Variants in MBD5 observed in about 807,000 individuals in gnomAD.
The protein encoded by MBD5 is methyl-CpG binding domain protein 5.
Under a neutral mutation model 117.3 loss-of-function variants are expected in MBD5, and 13 were observed. The ratio of observed to expected loss-of-function variants is 0.11; its 90% CI spans 0.07 to 0.18. The LOEUF (loss-of-function observed/expected upper bound fraction) is 0.18. MBD5 is among the 10% of genes least tolerant of loss of function. MBD5 has a pLI of 1.00. For missense variants in MBD5, 1,879 were observed against 2,093.8 expected, an observed-to-expected ratio of 0.90 and a Z score of 2.00; for synonymous variants, 727 against 766.4, an observed-to-expected ratio of 0.95 and a Z score of 0.85.
At chr2:148,177,979 G>C (rs1698429530) in intron 1 of MBD5, among the ~76,000 whole-genome samples, 1 of 152,328 alleles carries the variant, frequency 6.6e-6, no homozygotes, top group Non-Finnish European at 1.5e-5. Context: ...AACACAGGGA[G>C]ACCCTGTCTC....
chr2:148,067,959 C>A (rs1405882085), intron 1 of MBD5, among the ~76,000 whole-genome samples: 1 of 152,196 alleles, frequency 6.6e-6, no homozygotes, highest in East Asian at 1.9e-4. Context: ...GTAGAAATAA[C>A]CCCTAATTGG....
chr2:148,269,280 G>A (rs1700926502), intron 3 of MBD5, among the ~76,000 whole-genome samples: 1 of 151,218 alleles, frequency 6.6e-6, no homozygotes, highest in South Asian at 2.1e-4. Context: ...CAGTTTTCTT[G>A]AATTCAATGC....
chr2:148,431,427 G>A (rs899576242), intron 4 of MBD5, among the ~76,000 whole-genome samples: 3 of 152,024 alleles, frequency 2.0e-5, no homozygotes, highest in Non-Finnish European at 4.4e-5. Context: ...TACACGTGCA[G>A]GTTTGTTATA....
At chr2:148,097,433 G>A (rs1291785615) in intron 1 of MBD5, among the ~76,000 whole-genome samples, 2 of 152,232 alleles carry the variant, frequency 1.3e-5, no homozygotes, top group Admixed American at 6.5e-5. Flanking sequence ...TCCTGTGGGA[G>A]TGGAAAGCTG....
intron 3 of MBD5, among the ~76,000 whole-genome samples, chr2:148,249,518 A>T (rs963627963): frequency 2.6e-5 from 4 of 152,266 alleles, no homozygotes; most frequent in Middle Eastern, 6.8e-3. Flanking sequence ...ACACAATTTT[A>T]TTATTCCCTT....
At chr2:148,396,466 C>T (rs1394102704) in intron 4 of MBD5, among the ~76,000 whole-genome samples, 1 of 152,226 alleles carries the variant, frequency 6.6e-6, no homozygotes, top group Non-Finnish European at 1.5e-5. Context: ...TGCTCATAAC[C>T]TCTGGATATT....
chr2:148,309,483 A>T (rs1019586085), intron 3 of MBD5, among the ~76,000 whole-genome samples: 2 of 152,092 alleles, frequency 1.3e-5, no homozygotes, highest in Non-Finnish European at 2.9e-5. Flanking sequence ...TGATTTTTGC[A>T]TGTTGACTTT....
chr2:148,431,945 T>G (rs1013321481), intron 4 of MBD5, among the ~76,000 whole-genome samples: 2 of 152,162 alleles, frequency 1.3e-5, no homozygotes, highest in Non-Finnish European at 2.9e-5. Context: ...TTTAAGCTCT[T>G]TGAGAAATCA....
At chr2:148,512,327 T>TC (rs1682244586) in intron 13 of MBD5, 1 of 179,336 alleles carries the variant, frequency 5.6e-6, no homozygotes, top group African/African-American at 2.4e-5. Context: ...ATAGTGGTAT[T>TC]CTCTTTTCCA....
chr2:148,023,090 T>C (rs1228668420), intron 1 of MBD5, among the ~76,000 whole-genome samples: 1 of 150,956 alleles, frequency 6.6e-6, no homozygotes, highest in African/African-American at 2.4e-5. Flanking sequence ...TCACACCCTT[T>C]TTTTTTTTTT....
At chr2:148,383,826 A>G (rs1317746339) in intron 4 of MBD5, among the ~76,000 whole-genome samples, 1 of 152,174 alleles carries the variant, frequency 6.6e-6, no homozygotes, top group Non-Finnish European at 1.5e-5. Context: ...CAATAAACAT[A>G]ATCCAGCATA....
chr2:148,141,931 G>T (rs1260237001), intron 1 of MBD5, among the ~76,000 whole-genome samples: 1 of 152,054 alleles, frequency 6.6e-6, no homozygotes, highest in African/African-American at 2.4e-5. Flanking sequence ...ACCTATGATT[G>T]TGCCACTGTA....
chr2:148,222,740 C>A (rs1699721106), intron 2 of MBD5, among the ~76,000 whole-genome samples: 1 of 151,980 alleles, frequency 6.6e-6, no homozygotes, highest in Non-Finnish European at 1.5e-5. Flanking sequence ...TGACTTCTTT[C>A]CTTCCAATTT....
intron 3 of MBD5, among the ~76,000 whole-genome samples, chr2:148,324,252 A>T (rs1191738236): frequency 1.3e-5 from 2 of 152,058 alleles, no homozygotes; most frequent in Non-Finnish European, 2.9e-5. Flanking sequence ...GTAGCCTTGT[A>T]GTATAGTTTG....
At chr2:148,248,563 ATGAG>A (rs1700391454) in intron 3 of MBD5, among the ~76,000 whole-genome samples, 1 of 152,248 alleles carries the variant, frequency 6.6e-6, no homozygotes, top group African/African-American at 2.4e-5. Context: ...GGCATCATGA[ATGAG>A]TGTCAGAAAC....
At chr2:148,295,395 C>CT (rs779210433) in intron 3 of MBD5, among the ~76,000 whole-genome samples, 1 of 152,076 alleles carries the variant, frequency 6.6e-6, no homozygotes, top group Non-Finnish European at 1.5e-5. Flanking sequence ...CCACTTTTCT[C>CT]TTTTTTTAAA....
chr2:148,090,890 A>G (rs1695924586), intron 1 of MBD5, among the ~76,000 whole-genome samples: 2 of 152,252 alleles, frequency 1.3e-5, no homozygotes, highest in South Asian at 2.1e-4. Context: ...AAGTCAAACT[A>G]TCGCTGTTTG....
At chr2:148,257,660 G>A (rs1700621615) in intron 3 of MBD5, among the ~76,000 whole-genome samples, 1 of 152,154 alleles carries the variant, frequency 6.6e-6, no homozygotes, top group African/African-American at 2.4e-5. Context: ...TAATGGAATA[G>A]GTGGACCCAT....
chr2:148,036,483 C>G (rs1200825588), intron 1 of MBD5, among the ~76,000 whole-genome samples: 1 of 152,080 alleles, frequency 6.6e-6, no homozygotes, highest in Non-Finnish European at 1.5e-5. Context: ...TTGGTTCACT[C>G]AAAGATTACT....
Sources: gnomAD v4.1 joint callset for allele counts (sites outside exome capture counted in the v4.1 genomes callset) on GRCh38, gnomAD v4.1.1 for gene constraint, MANE v1.5 for transcripts, NCBI Gene and HGNC (gene_info 2026-07-23, HGNC 2026-07-21) for gene names.